TSPAN11: variants seen among roughly 807,000 people sequenced by gnomAD.
The protein encoded by TSPAN11 is tetraspanin-11.
Under a neutral mutation model 32.9 loss-of-function variants are expected in TSPAN11, and 29 were observed. That is an observed-to-expected ratio of 0.88 (90% CI 0.66 to 1.20). The LOEUF is 1.20. Among genes scored for constraint, TSPAN11 ranks in the 50% most tolerant of loss-of-function variants. The probability of loss-of-function intolerance (pLI) is 0.00; values close to 1 mark genes in which losing one functional copy is unlikely to be tolerated. For synonymous variants in TSPAN11, 140 were observed against 141.3 expected (o/e 0.99, Z 0.07); for missense variants, 283 against 329.1 (o/e 0.86, Z 1.08).
chr12:30,933,979 C>T (rs1213708722), intron 1 of TSPAN11, among the ~76,000 whole-genome samples: 1 of 152,182 alleles, frequency 6.6e-6, no homozygotes, highest in Non-Finnish European at 1.5e-5. Flanking sequence ...AGTAGAGATG[C>T]CTATGGGCCT....
At chr12:30,957,598 T>C (rs1179305627) in intron 2 of TSPAN11, among the ~76,000 whole-genome samples, 1 of 152,118 alleles carries the variant, frequency 6.6e-6, no homozygotes, top group East Asian at 1.9e-4. Context: ...GGTTTCTCCA[T>C]CCAGAATATA....
chr12:30,927,471 C>T (rs1055419536), intron 1 of TSPAN11, among the ~76,000 whole-genome samples: 1 of 152,190 alleles, frequency 6.6e-6, no homozygotes, highest in Non-Finnish European at 1.5e-5. Flanking sequence ...GAAAGGGAGG[C>T]AGCCCAGTTG....
At chr12:30,976,636 A>G (rs572598045) in intron 3 of TSPAN11, among the ~76,000 whole-genome samples, 129 of 152,290 alleles carry the variant, frequency 8.5e-4, no homozygotes, top group Middle Eastern at 3.4e-3. Context: ...CAGGGAGTGG[A>G]AAGTCCGTAG....
intron 2 of TSPAN11, among the ~76,000 whole-genome samples, chr12:30,957,733 T>C (rs1468161369): frequency 0.011 from 174 of 15,458 alleles, no homozygotes; most frequent in Admixed American, 0.016. Context: ...CCTTCCCTCC[T>C]TCCCTCCCTC....
At chr12:30,956,716 TA>T (rs34563397) in intron 2 of TSPAN11, among the ~76,000 whole-genome samples, 46,504 of 151,956 alleles carry the variant, frequency 0.31, 7,643 homozygotes, top group East Asian at 0.52. Flanking sequence ...TTCTTTCCCC[TA>T]CCATTTTCTT....
At chr12:30,952,788 C>A (rs1217369273) in intron 1 of TSPAN11, among the ~76,000 whole-genome samples, 1 of 152,202 alleles carries the variant, frequency 6.6e-6, no homozygotes, top group Non-Finnish European at 1.5e-5. Flanking sequence ...CATTATAAGA[C>A]TGAACAGGAC....
At chr12:30,959,612 A>G (rs573446373) in intron 2 of TSPAN11, among the ~76,000 whole-genome samples, 14 of 138,620 alleles carry the variant, frequency 1.0e-4, no homozygotes, top group Non-Finnish European at 1.9e-4. Context: ...ATTAAAACCC[A>G]GGAAAAAAAA....
At chr12:30,932,118 G>C (rs193235731) in intron 1 of TSPAN11, among the ~76,000 whole-genome samples, 4 of 151,366 alleles carry the variant, frequency 2.6e-5, no homozygotes, top group Admixed American at 6.6e-5. Flanking sequence ...TGAAAACATG[G>C]AACCCTAGCT....
intron 2 of TSPAN11, 39 bp from the exon 3 acceptor site, chr12:30,963,787 C>A (rs1178318459): frequency 4.4e-6 from 7 of 1,587,218 alleles, no homozygotes; most frequent in Non-Finnish European, 6.0e-6. Context: ...CTGCCGAGGC[C>A]CCCGCCACCC....
intron 7 of TSPAN11, among the ~76,000 whole-genome samples, chr12:30,985,563 G>A (rs554826891): frequency 2.0e-5 from 3 of 152,228 alleles, no homozygotes; most frequent in South Asian, 4.1e-4. Context: ...GTGGGAACAG[G>A]AGAAGGTACG....
intron 3 of TSPAN11, among the ~76,000 whole-genome samples, chr12:30,968,959 T>C (rs1292031917): frequency 6.6e-6 from 1 of 152,170 alleles, no homozygotes; most frequent in Non-Finnish European, 1.5e-5. Flanking sequence ...CCTGCCTCCT[T>C]GTGTTGCCAT....
At chr12:30,997,720 A>G (rs2140319676), downstream of TSPAN11, among the ~76,000 whole-genome samples, 1 of 152,268 alleles carries the variant, frequency 6.6e-6, no homozygotes, top group South Asian at 2.1e-4. Context: ...GGCAGTGAGG[A>G]GCCTGAAGAG....
the TSPAN11 span, among the ~76,000 whole-genome samples, chr12:31,014,096 T>A: frequency 6.6e-6 from 1 of 152,220 alleles, no homozygotes; most frequent in African/African-American, 2.4e-5. Flanking sequence ...TTTCTTTTCT[T>A]TTTGCCACAC....
chr12:30,963,764 G>A, intron 2 of TSPAN11, 62 bp from the exon 3 acceptor site: 2 of 1,557,518 alleles, frequency 1.3e-6, no homozygotes, highest in Non-Finnish European at 1.7e-6. Context: ...TGTGGGCACT[G>A]AACGGATAGC....
chr12:30,969,522 G>A (rs1938805229), intron 3 of TSPAN11, among the ~76,000 whole-genome samples: 1 of 152,180 alleles, frequency 6.6e-6, no homozygotes, highest in Non-Finnish European at 1.5e-5. Flanking sequence ...TCCTTGGGAA[G>A]CAGGATGCAA....
intron 1 of TSPAN11, among the ~76,000 whole-genome samples, chr12:30,929,344 C>T (rs1937870004): frequency 6.6e-6 from 1 of 152,170 alleles, no homozygotes; most frequent in South Asian, 2.1e-4. Flanking sequence ...TCTGCTTGGC[C>T]ATGGAATTCA....
chr12:30,998,923 C>G (rs1355386416), downstream of TSPAN11: 5 of 152,216 alleles, frequency 3.3e-5, no homozygotes, highest in East Asian at 9.6e-4. Context: ...ATTTTAGGAA[C>G]TGGGGTCTCG....
intron 1 of TSPAN11, among the ~76,000 whole-genome samples, chr12:30,953,661 A>C (rs1358167523): frequency 6.6e-6 from 1 of 152,230 alleles, no homozygotes; most frequent in East Asian, 1.9e-4. Context: ...TGTGTCCTGC[A>C]ACCCTGGTGA....
intron 3 of TSPAN11, 105 bp from the exon 4 acceptor site, chr12:30,978,456 T>G: frequency 9.0e-7 from 1 of 1,113,452 alleles, no homozygotes; most frequent in Non-Finnish European, 1.3e-6. Context: ...GCATGGATGA[T>G]AGGGGTCCCA....
Sources: gnomAD v4.1 joint callset for allele counts (sites outside exome capture counted in the v4.1 genomes callset) on GRCh38, gnomAD v4.1.1 for gene constraint, MANE v1.5 for transcripts, NCBI Gene and HGNC (gene_info 2026-07-23, HGNC 2026-07-21) for gene names.